The following NCAPG2 variants were observed in gnomAD, a reference collection of about 807,000 sequenced individuals.
The protein encoded by NCAPG2 is non-SMC condensin II complex subunit G2.
NCAPG2 carries 53 observed loss-of-function variants against 141.1 expected under a neutral mutation model. The ratio of observed to expected loss-of-function variants is 0.38; its 90% CI spans 0.30 to 0.47. The LOEUF (loss-of-function observed/expected upper bound fraction) is 0.47, where lower values mean the gene tolerates loss of function less well. Among genes scored for constraint, NCAPG2 ranks in the 20% least tolerant of loss-of-function variants. The pLI is 0.99. For missense variants in NCAPG2, 1,087 were observed against 1,389.0 expected (o/e 0.78, Z 3.46); for synonymous variants, 499 against 490.7 (o/e 1.02, Z -0.22).
chr7:158,675,668 A>AG lies in NCAPG2; in HGVS notation c.1147-13dup. On this transcript the variant is annotated splice_polypyrimidine_tract_variant and intron_variant, in intron 11 of 27. Transcript: ENST00000356309. ...TCTTCTAAAAGGCTCTATAAGTAGG[A>AG]GGGGAGAAAGGCTTAAAAACCTTGA... The AG allele has an allele frequency of 6.2e-7, 1 of 1,603,882 alleles. No individual in the cohort carries two copies. The highest frequency in any genetic ancestry group is 8.5e-7 in the Non-Finnish European group (1 of 1,177,600).
chr7:158,698,283 A>G (rs531115324), intron 2 of NCAPG2, among the ~76,000 whole-genome samples: 3 of 152,214 alleles, frequency 2.0e-5, no homozygotes, highest in Admixed American at 6.5e-5. Context: ...CTGTAGCCCA[A>G]GTGTAATGTG....
intron 2 of NCAPG2, among the ~76,000 whole-genome samples, chr7:158,694,668 T>C (rs1835337305): frequency 6.6e-6 from 1 of 152,190 alleles, no homozygotes; most frequent in Admixed American, 6.5e-5. Flanking sequence ...GTCGGGGTCA[T>C]AAAAAACACA....
rs1587074553 is a variant in NCAPG2, at chr7:158,644,394, A to G, written c.3281-6T>C. Reference sequence around the variant, plus strand: ...TTTTGAGCTTTTATGTTTACCTGGGAAAATTATATTAAAAGACAGAAAAGA... The same window carrying G: ...TTTTGAGCTTTTATGTTTACCTGGGGAAATTATATTAAAAGACAGAAAAGA... On this transcript the variant is annotated splice_region_variant and splice_polypyrimidine_tract_variant and intron_variant, in intron 26 of 27. Coordinates refer to ENST00000356309, the MANE Select transcript of NCAPG2 (RefSeq NM_017760.7). 1 of 1,606,274 alleles carries G rather than the reference A, an allele frequency of 6.2e-7. No individual in the cohort carries two copies. The highest frequency in any genetic ancestry group is 8.5e-7 in the Non-Finnish European group (1 of 1,173,020).
chr7:158,649,349 G>A (rs1831305780), intron 24 of NCAPG2, among the ~76,000 whole-genome samples: 2 of 152,156 alleles, frequency 1.3e-5, no homozygotes, highest in South Asian at 4.1e-4. Flanking sequence ...TATTTAAATA[G>A]TATAGTAAAT....
chr7:158,648,556 C>G (rs1039841651), intron 24 of NCAPG2, among the ~76,000 whole-genome samples: 1 of 136,862 alleles, frequency 7.3e-6, no homozygotes, highest in South Asian at 2.4e-4. Flanking sequence ...GGCAAATGGA[C>G]GACAACCACG....
intron 24 of NCAPG2, among the ~76,000 whole-genome samples, chr7:158,650,058 A>AT (rs1232983594): frequency 2.6e-5 from 4 of 151,778 alleles, no homozygotes; most frequent in East Asian, 1.9e-4. Flanking sequence ...TATTAGCTAC[A>AT]TTTTTTTTTC....
At chr7:158,672,061 G>A (rs1833719479) in intron 12 of NCAPG2, among the ~76,000 whole-genome samples, 1 of 151,922 alleles carries the variant, frequency 6.6e-6, no homozygotes, top group South Asian at 2.1e-4. Context: ...GATACTGCAT[G>A]AGGATTGGAG....
chr7:158,701,733 A>G (rs1835806502), intron 2 of NCAPG2, 89 bp downstream of exon 2: 1 of 1,180,210 alleles, frequency 8.5e-7, no homozygotes, highest in Non-Finnish European at 1.2e-6. Context: ...CACTGAGATA[A>G]CTATGTTTCT....
At chr7:158,650,759 T>G (rs1831429108) in intron 24 of NCAPG2, 73 bp downstream of exon 24, 5 of 1,489,112 alleles carry the variant, frequency 3.4e-6, no homozygotes, top group Non-Finnish European at 4.5e-6. Flanking sequence ...ACGTAGAGAA[T>G]GTACTGCTAG....
rs78027591 is a variant in NCAPG2, at chr7:158,667,493, G to C, written c.1480-2743C>G. On this transcript the variant is annotated intron_variant, in intron 13 of 27. Transcript: ENST00000356309. ...TACCCACTACTGGGTCCCTCCGCCCGCCTTACCCACTACTGGGTCCCTCCG... is the reference window on the plus strand; with the variant it reads ...TACCCACTACTGGGTCCCTCCGCCCCCCTTACCCACTACTGGGTCCCTCCG... 3.9e-3 allele frequency among the ~76,000 whole-genome samples: 145 copies of C among 37,288 alleles called. 1 individual carries two copies. The highest frequency in any genetic ancestry group is 9.5e-3 in the Admixed American group (24 of 2,528). 24.5% of individuals were successfully genotyped at this position (37,288 alleles called of 152,430 possible).
intron 27 of NCAPG2, among the ~76,000 whole-genome samples, 199 bp from the exon 28 acceptor site, chr7:158,631,916 G>A (rs1563480859): frequency 6.6e-6 from 1 of 152,150 alleles, no homozygotes; most frequent in Non-Finnish European, 1.5e-5. Flanking sequence ...AGGACACATG[G>A]CACTGGAGCA....
chr7:158,654,715 T>G, intron 21 of NCAPG2, 21 bp from the exon 22 acceptor site: 1 of 1,602,528 alleles, frequency 6.2e-7, no homozygotes, highest in Non-Finnish European at 8.5e-7. Context: ...CAGACACAGC[T>G]TAGCAACAAA....
intron 13 of NCAPG2, among the ~76,000 whole-genome samples, chr7:158,665,609 T>G (rs959550735): frequency 2.0e-5 from 3 of 152,228 alleles, no homozygotes; most frequent in Middle Eastern, 6.8e-3. Context: ...TTCCAACTCT[T>G]AGAACAAAAA....
At chr7:158,653,774 A>G (rs889953331) in intron 22 of NCAPG2, among the ~76,000 whole-genome samples, 31 of 152,390 alleles carry the variant, frequency 2.0e-4, no homozygotes, top group Non-Finnish European at 3.1e-4. Context: ...CTAGGCTTAA[A>G]GAAATGTCAA....
intron 13 of NCAPG2, chr7:158,666,995 G>T: frequency 2.8e-6 from 1 of 362,642 alleles, no homozygotes; most frequent in Non-Finnish European, 3.8e-6. Context: ...GGCTTCATGT[G>T]CCAGGTTGTT....
chr7:158,675,498 A>T lies in NCAPG2; in HGVS notation c.1305T>A (p.Asp435Glu). 3 of 1,606,730 alleles carry T rather than the reference A, an allele frequency of 1.9e-6. No individual in the cohort carries two copies. The highest frequency in any genetic ancestry group is 2.5e-6 in the Non-Finnish European group (3 of 1,178,476). Residue 435 changes from aspartate to glutamate, a missense_variant, in exon 12 of 28, where the codon GAT (aspartate) becomes GAA (glutamate). Asp to Glu is a conservative substitution (Grantham distance 45, BLOSUM62 2). Coordinates refer to ENST00000356309, the MANE Select transcript of NCAPG2 (RefSeq NM_017760.7). The part of the protein sequence containing the change: ...GELAFDTSSA[D>E]VRCSVFKCLP... Reference sequence around the variant, plus strand: ...TTACCTTAAAGACAGAACAACGAACATCAGCTGAGCTCGTGTCAAATGCCA... The same window carrying T: ...TTACCTTAAAGACAGAACAACGAACTTCAGCTGAGCTCGTGTCAAATGCCA...
In NCAPG2 at chr7:158,668,826, CAT is replaced by C. The variant is rs368406961; in HGVS notation, c.1479+2686_1479+2687del. On this transcript the variant is annotated intron_variant, in intron 13 of 27. Coordinates refer to ENST00000356309, the MANE Select transcript of NCAPG2 (RefSeq NM_017760.7). ...TGTGCAGGTTTGTTAAATTGGTAGA[CAT>C]GTGCCATGGTGGTTTGCTGCACAGA... 8.1e-3 allele frequency among the ~76,000 whole-genome samples: 1,240 copies of C among 152,240 alleles called. 15 individuals carry two copies. The highest frequency in any genetic ancestry group is 0.028 in the African/African-American group (1,170 of 41,516).
chr7:158,696,693 G>C (rs984605017), intron 2 of NCAPG2: 2 of 152,178 alleles, frequency 1.3e-5, no homozygotes, highest in African/African-American at 4.8e-5. Context: ...ATTTCAACAG[G>C]AAAGAAATTA....
chr7:158,665,460 C>T (rs1448821511), intron 13 of NCAPG2: 1 of 152,282 alleles, frequency 6.6e-6, no homozygotes, highest in Non-Finnish European at 1.5e-5. Flanking sequence ...AATTGAATGG[C>T]ACCACATCAA....
Sources: gnomAD v4.1 joint callset for allele counts (sites outside exome capture counted in the v4.1 genomes callset) on GRCh38, gnomAD v4.1.1 for gene constraint, MANE v1.5 for transcripts, NCBI Gene and HGNC (gene_info 2026-07-23, HGNC 2026-07-21) for gene names.